PCBP3: variants seen among roughly 807,000 people sequenced by gnomAD.
PCBP3 encodes poly(rC) binding protein 3.
A neutral mutation model predicts 52.7 loss-of-function variants in PCBP3; 25 were observed. That is an observed-to-expected ratio of 0.47 (90% CI 0.35 to 0.66). The LOEUF is 0.66. PCBP3 is among the 30% of genes least tolerant of loss of function. The probability of loss-of-function intolerance (pLI) is 0.01; values close to 1 mark genes in which losing one functional copy is unlikely to be tolerated. For synonymous variants in PCBP3, 162 were observed against 183.0 expected, an observed-to-expected ratio of 0.89 and a Z score of 0.93; for missense variants, 391 against 490.3, an observed-to-expected ratio of 0.80 and a Z score of 1.91.
At chr21:45,871,776 CCT>C (rs1452754369) in intron 5 of PCBP3, 2 of 152,282 alleles carry the variant, frequency 1.3e-5, no homozygotes, top group East Asian at 3.9e-4. Context: ...CCCGGACTTG[CCT>C]CTCTCCTCAG....
chr21:45,660,926 A>T (rs1052901249), intron 1 of PCBP3, among the ~76,000 whole-genome samples: 5 of 152,148 alleles, frequency 3.3e-5, no homozygotes, highest in African/African-American at 1.2e-4. Context: ...CTGTAATTGC[A>T]GCTACTAGGG....
intron 7 of PCBP3, among the ~76,000 whole-genome samples, chr21:45,900,054 A>C (rs1342511075): frequency 6.6e-6 from 1 of 152,190 alleles, no homozygotes; most frequent in Admixed American, 6.5e-5. Context: ...CCAGTTTGGA[A>C]GCCTGCTGCC....
chr21:45,797,492 AGTGTAAT>A (rs1489671734), intron 4 of PCBP3, among the ~76,000 whole-genome samples: 5 of 83,312 alleles, frequency 6.0e-5, no homozygotes, highest in Non-Finnish European at 1.0e-4. Context: ...CCATAGAGAG[AGTGTAAT>A]GCATGGATAG....
At chr21:45,662,420 C>A (rs553036947) in intron 1 of PCBP3, among the ~76,000 whole-genome samples, 14 of 151,534 alleles carry the variant, frequency 9.2e-5, no homozygotes, top group African/African-American at 3.4e-4. Flanking sequence ...CTGTGCCTGG[C>A]CTGCATTTGC....
At chr21:45,714,629 T>C (rs1462817058) in intron 2 of PCBP3, among the ~76,000 whole-genome samples, 1 of 152,202 alleles carries the variant, frequency 6.6e-6, no homozygotes, top group East Asian at 1.9e-4. Context: ...ACAAGTCAAA[T>C]TGAAGAAGCC....
At position 45,735,860 on chromosome 21, in the gene PCBP3, A is replaced by G. The variant is rs954867032; in HGVS notation, c.-162+431A>G. Among the ~76,000 whole-genome samples, 5 of 152,210 alleles carry G rather than the reference A, an allele frequency of 3.3e-5. No individual in the cohort carries two copies. The highest frequency in any genetic ancestry group is 1.2e-4 in the African/African-American group (5 of 41,472). ...GGTAGTGCCTGTGTGTGCGGTGGCC[A>G]TGATGGCACCACAATGTCTGAAGCC... On this transcript the variant is annotated intron_variant, in intron 3 of 17. Coordinates refer to ENST00000681687, the MANE Select transcript of PCBP3 (RefSeq NM_001384156.1). This position sits in a 1 kb window ranked among gnomAD's most constrained non-coding sequence, Gnocchi z 4.0.
At chr21:45,713,504 T>A (rs1442263157) in intron 2 of PCBP3, among the ~76,000 whole-genome samples, 1 of 152,200 alleles carries the variant, frequency 6.6e-6, no homozygotes, top group Non-Finnish European at 1.5e-5. Flanking sequence ...GGGCCTGCTT[T>A]TGAATGTTGT....
At position 45,899,584 on chromosome 21, in the gene PCBP3, T is replaced by C. The variant is rs747689141; in HGVS notation, c.166-15T>C. The C allele has an allele frequency of 4.4e-6, 7 of 1,607,578 alleles. No homozygotes were observed. Among genetic ancestry groups the C allele is most frequent in the Middle Eastern group, 1.7e-4 (1 of 6,052 alleles). On this transcript the variant is annotated splice_polypyrimidine_tract_variant and intron_variant, in intron 6 of 17. Coordinates refer to ENST00000681687, the MANE Select transcript of PCBP3 (RefSeq NM_001384156.1). Reference sequence around the variant, plus strand: ...TCTATGACATCATCTTTCTGTGATTTTTTTTTTCTTGCAGGAAGTTGGAAG... The same window carrying C: ...TCTATGACATCATCTTTCTGTGATTCTTTTTTTCTTGCAGGAAGTTGGAAG...
intron 10 of PCBP3, among the ~76,000 whole-genome samples, chr21:45,909,890 G>T (rs1158371228): frequency 1.6e-4 from 12 of 76,968 alleles, no homozygotes; most frequent in South Asian, 6.5e-4. Flanking sequence ...GCCACCCACT[G>T]CCCAGATACA....
At chr21:45,688,406 A>G (rs1467002317) in intron 2 of PCBP3, among the ~76,000 whole-genome samples, 1 of 152,180 alleles carries the variant, frequency 6.6e-6, no homozygotes, top group Non-Finnish European at 1.5e-5. Flanking sequence ...TGATTTTTGC[A>G]ACTTCTGGTA....
chr21:45,748,684 G>A (rs994439182), intron 3 of PCBP3, among the ~76,000 whole-genome samples: 8 of 152,252 alleles, frequency 5.3e-5, no homozygotes, highest in African/African-American at 1.7e-4. Context: ...ATCCAGCAGG[G>A]CTGGTTGCAG....
chr21:45,874,579 T>C (rs774691568), intron 5 of PCBP3, among the ~76,000 whole-genome samples: 9 of 151,358 alleles, frequency 5.9e-5, no homozygotes, highest in Non-Finnish European at 1.3e-4. Flanking sequence ...GATCTCGGCT[T>C]ACTGCAACCT....
chr21:45,830,516 G>C lies in PCBP3; in HGVS notation c.-125-19445G>C, dbSNP rs1414027789. 6.6e-6 allele frequency: 1 copy of C among 152,498 alleles called. No homozygotes were observed. Among genetic ancestry groups the C allele is most frequent in the African/African-American group, 2.4e-5 (1 of 41,436 alleles). 9.4% of individuals were successfully genotyped at this position (152,498 alleles called of 1,614,324 possible). A position where few individuals can be genotyped will look rare whatever the true frequency, so the allele number is the denominator to read the frequency against. On this transcript the variant is annotated intron_variant, in intron 4 of 17. Transcript: ENST00000681687. The surrounding 1 kb of genome is among the most constrained non-coding windows in gnomAD (Gnocchi z 4.4). ...GCCACTGACGCGGGAGCCCTGCTGT[G>C]GGGGGTGTGTGCGCATGCTCAGCAC...
At position 45,656,058 on chromosome 21, in the gene PCBP3, G is replaced by A. The variant is rs145653750; in HGVS notation, c.-279+12190G>A. 4.8e-3 allele frequency among the ~76,000 whole-genome samples: 727 copies of A among 152,334 alleles called. 7 individuals are homozygous for A. Among genetic ancestry groups the A allele is most frequent in the African/African-American group, 0.016 (669 of 41,584 alleles). ...ACACTTTTGGTGGGAGTATAAATTA[G>A]TTCAACCATTGTGGAAGACAGTGTG... On this transcript the variant is annotated intron_variant, in intron 1 of 17. Coordinates refer to ENST00000681687, the MANE Select transcript of PCBP3 (RefSeq NM_001384156.1). This position sits in a 1 kb window ranked among gnomAD's most constrained non-coding sequence, Gnocchi z 4.3.
At chr21:45,738,928 T>C in intron 3 of PCBP3, among the ~76,000 whole-genome samples, 1 of 71,792 alleles carries the variant, frequency 1.4e-5, no homozygotes, top group Non-Finnish European at 2.6e-5. Context: ...GGCCCCCCCA[T>C]CTTCATCAGC....
chr21:45,923,626 G>A (rs962285123), intron 13 of PCBP3, among the ~76,000 whole-genome samples: 4 of 152,220 alleles, frequency 2.6e-5, no homozygotes, highest in Admixed American at 6.5e-5. Flanking sequence ...GCCTGAGAAG[G>A]AAGAACATGC....
At chr21:45,684,915 T>C (rs2082064508) in intron 2 of PCBP3, among the ~76,000 whole-genome samples, 1 of 152,208 alleles carries the variant, frequency 6.6e-6, no homozygotes, top group Non-Finnish European at 1.5e-5. Flanking sequence ...TGAGGTTTGA[T>C]AAATGTTAAG....
intron 1 of PCBP3, among the ~76,000 whole-genome samples, chr21:45,668,276 G>A (rs1025240271): frequency 1.3e-5 from 2 of 152,030 alleles, no homozygotes; most frequent in African/African-American, 4.8e-5. Flanking sequence ...TTCCTTTTAA[G>A]CTTTTGAGTT....
chr21:45,934,644 G>C lies in PCBP3; in HGVS notation c.857-609G>C, dbSNP rs561194979. 6.0e-4 allele frequency among the ~76,000 whole-genome samples: 92 copies of C among 152,356 alleles called. 1 individual carries two copies. Among genetic ancestry groups the C allele is most frequent in the African/African-American group, 2.1e-3 (87 of 41,580 alleles). Reference sequence around the variant, plus strand: ...TGCCTGGTGGGCCTGAGCTGTCTGAGCCAGGCTATGTGCAGGGGCCTCTGG... The same window carrying C: ...TGCCTGGTGGGCCTGAGCTGTCTGACCCAGGCTATGTGCAGGGGCCTCTGG... On this transcript the variant is annotated intron_variant, in intron 15 of 17. Transcript: ENST00000681687.
Sources: gnomAD v4.1 joint callset for allele counts (sites outside exome capture counted in the v4.1 genomes callset) on GRCh38, gnomAD v4.1.1 for gene constraint, Gnocchi (gnomAD v3.1) non-coding constraint, MANE v1.5 for transcripts, NCBI Gene and HGNC (gene_info 2026-07-23, HGNC 2026-07-21) for gene names.